TDO2: variants seen among roughly 807,000 people sequenced by gnomAD.
TDO2 encodes the protein tryptophan 2,3-dioxygenase.
In TDO2, 63 loss-of-function variants were observed where a neutral mutation model predicts 61.2. The observed-to-expected ratio is 1.03, with a 90% CI of 0.84 to 1.27. The LOEUF (loss-of-function observed/expected upper bound fraction) is 1.27. TDO2 is among the 50% of genes most tolerant of loss of function. The probability of loss-of-function intolerance (pLI) is 0.00; values close to 1 mark genes in which losing one functional copy is unlikely to be tolerated. For missense variants in TDO2, 494 were observed against 469.5 expected, an observed-to-expected ratio of 1.05 and a Z score of -0.48; for synonymous variants, 183 against 164.0, an observed-to-expected ratio of 1.12 and a Z score of -0.89.
At chr4:155,914,747 G>C (rs1742901117) in intron 8 of TDO2, among the ~76,000 whole-genome samples, 2 of 152,098 alleles carry the variant, frequency 1.3e-5, no homozygotes, top group African/African-American at 4.8e-5. Context: ...ACAAATCATT[G>C]TAACAGTAAA....
chr4:155,908,058 A>G (rs1395797844), intron 4 of TDO2, among the ~76,000 whole-genome samples: 1 of 152,206 alleles, frequency 6.6e-6, no homozygotes, highest in Non-Finnish European at 1.5e-5. Context: ...GTTATAAATG[A>G]TGGTGGATTA....
At position 155,904,141 on chromosome 4, in the gene TDO2, T is replaced by C. The variant is rs1299722484; in HGVS notation, c.141+18T>C. On this transcript the variant is annotated intron_variant, in intron 2 of 11. Transcript: ENST00000536354. ...ACCTGCATGTAAGTGGCAGGGTCCT[T>C]ACAGGGTTTGGTGTCCATTGTTAGG... 2 of 1,588,950 alleles carry C rather than the reference T, an allele frequency of 1.3e-6. No individual in the cohort carries two copies. The highest frequency in any genetic ancestry group is 2.7e-5 in the African/African-American group (2 of 74,338).
At chr4:155,912,768 C>T (rs1422280849) in intron 7 of TDO2, among the ~76,000 whole-genome samples, 2 of 152,088 alleles carry the variant, frequency 1.3e-5, no homozygotes, top group Admixed American at 6.6e-5. Flanking sequence ...TATATATCCC[C>T]TTAGATTTCA....
chr4:155,914,249 C>T, intron 7 of TDO2, 74 bp from the exon 8 acceptor site: 2 of 1,103,106 alleles, frequency 1.8e-6, no homozygotes, highest in South Asian at 1.5e-5. Context: ...GTCTTTTCCT[C>T]ATAAGCAAAG....
chr4:155,903,942 T>C, intron 1 of TDO2, 76 bp from the exon 2 acceptor site: 10 of 1,503,808 alleles, frequency 6.6e-6, no homozygotes, highest in Non-Finnish European at 8.3e-6. Context: ...GCAATGAGAA[T>C]TTTAATCACC....
At chr4:155,910,455 C>A (rs993931914) in intron 6 of TDO2, among the ~76,000 whole-genome samples, 13 of 152,064 alleles carry the variant, frequency 8.5e-5, no homozygotes, top group Admixed American at 1.3e-4. Flanking sequence ...TATTTAATAA[C>A]CTTATCATCT....
chr4:155,910,201 A>T lies in TDO2; in HGVS notation c.608A>T (p.Glu203Val). The T allele has an allele frequency of 6.3e-7, 1 of 1,576,024 alleles. No individual in the cohort carries two copies. The highest frequency in any genetic ancestry group is 8.6e-7 in the Non-Finnish European group (1 of 1,165,992). The part of the protein sequence containing the change: ...LKSEQEKTLL[E>V]LVEAWLERTP... ...TCTGAGCAGGAAAAGACACTTCTGG[A>T]ATTAGTGGAGGTATGGATTCATACA... The change falls in exon 6 of 12, where the codon GAA becomes GTA. Residue 203 changes from glutamate (E) to valine (V), a missense_variant. Glu to Val is a moderately radical substitution (Grantham distance 121). Transcript: ENST00000536354.
At chr4:155,910,758 A>G (rs71605278) in intron 6 of TDO2, among the ~76,000 whole-genome samples, 4,177 of 152,154 alleles carry the variant, frequency 0.027, 81 homozygotes, top group Middle Eastern at 0.041. Flanking sequence ...TTCCATTACA[A>G]AGCCTTTTCT....
In TDO2 at chr4:155,920,051, A is replaced by T; in HGVS notation, c.*61A>T. 1.3e-6 allele frequency: 2 copies of T among 1,500,728 alleles called. No individual in the cohort carries two copies. Among genetic ancestry groups the T allele is most frequent in the Non-Finnish European group, 1.8e-6 (2 of 1,086,324 alleles). 93.0% of individuals were successfully genotyped at this position (1,500,728 alleles called of 1,614,324 possible). ...ACAGCCTATTTTTTATTTTCTATGGATTTTCATAAATACAGTTTGAATATA... is the reference window on the plus strand; with the variant it reads ...ACAGCCTATTTTTTATTTTCTATGGTTTTTCATAAATACAGTTTGAATATA... On this transcript the variant is annotated 3_prime_UTR_variant, in exon 12 of 12. Transcript: ENST00000536354.
chr4:155,911,657 T>G (rs921417864), intron 7 of TDO2, 53 bp downstream of exon 7: 3 of 1,211,060 alleles, frequency 2.5e-6, no homozygotes, highest in Admixed American at 2.9e-5. Context: ...ATTCAAAATT[T>G]TATTTTAATT....
At position 155,905,167 on chromosome 4, in the gene TDO2, A is replaced by G. The variant is rs1742696856; in HGVS notation, c.232+10A>G. 6 of 1,567,264 alleles carry G rather than the reference A, an allele frequency of 3.8e-6. No individual in the cohort carries two copies. Among genetic ancestry groups the G allele is most frequent in the Non-Finnish European group, 5.2e-6 (6 of 1,157,024 alleles). On this transcript the variant is annotated intron_variant, in intron 3 of 11. Transcript: ENST00000536354. ...ATCATAACTCATCAAGGTAAGTTGC[A>G]CAAAGGTTTTGGACAATATTCCACA... is the stretch of plus-strand genomic sequence containing the variant.
chr4:155,917,287 C>G (rs1742957894), intron 9 of TDO2, 108 bp from the exon 10 acceptor site: 2 of 845,970 alleles, frequency 2.4e-6, no homozygotes, highest in Middle Eastern at 2.3e-4. Context: ...TCCTCACAGG[C>G]AAAGCTGACA....
chr4:155,913,209 A>T (rs2878125), intron 7 of TDO2, among the ~76,000 whole-genome samples: 1 of 151,916 alleles, frequency 6.6e-6, no homozygotes, highest in African/African-American at 2.4e-5. Flanking sequence ...ATCTGATCAC[A>T]TCTCCCTTTT....
At chr4:155,905,207 A>G in intron 3 of TDO2, 50 bp downstream of exon 3, 1 of 1,314,646 alleles carries the variant, frequency 7.6e-7, no homozygotes, top group Non-Finnish European at 1.1e-6. Context: ...TTTCTCATTG[A>G]TAACGAGGAA....
intron 7 of TDO2, among the ~76,000 whole-genome samples, chr4:155,912,323 G>A (rs1742849222): frequency 6.6e-6 from 1 of 152,096 alleles, no homozygotes; most frequent in African/African-American, 2.4e-5. Context: ...ATAAATACTT[G>A]TAAAGCATTG....
chr4:155,914,662 A>G (rs1297590813), intron 8 of TDO2, among the ~76,000 whole-genome samples: 1 of 152,184 alleles, frequency 6.6e-6, no homozygotes, highest in African/African-American at 2.4e-5. Context: ...AGTCTCTGCC[A>G]GATATACGGG....
chr4:155,913,287 C>T (rs1020583242), intron 7 of TDO2, among the ~76,000 whole-genome samples: 7 of 152,034 alleles, frequency 4.6e-5, no homozygotes, highest in Non-Finnish European at 8.8e-5. Flanking sequence ...GTCTATAAGG[C>T]CTTTATGATC....
chr4:155,909,461 A>T (rs1043634021), intron 5 of TDO2, among the ~76,000 whole-genome samples: 12 of 152,278 alleles, frequency 7.9e-5, no homozygotes, highest in African/African-American at 2.9e-4. Flanking sequence ...CTTTTTTCTT[A>T]CCAAAATGTG....
Position 155,920,227 on chromosome 4 carries a change from T to C in TDO2, c.*237T>C. 1 of 470,146 alleles carries C rather than the reference T, an allele frequency of 2.1e-6. No individual in the cohort carries two copies. Among genetic ancestry groups the C allele is most frequent in the Non-Finnish European group, 3.7e-6 (1 of 267,622 alleles). The allele number at this position is 470,146 out of a possible 1,614,324, so 29.1% of individuals were successfully genotyped here. ...ACATAGGGTGTTTTCCTATTAAAAA[T>C]TCAGTTTCCCCTGAGACTTAATGTA... is the stretch of plus-strand genomic sequence containing the variant. On this transcript the variant is annotated 3_prime_UTR_variant, in exon 12 of 12. Transcript: ENST00000536354.
Sources: allele counts gnomAD v4.1 joint callset (sites outside exome capture counted in the v4.1 genomes callset), GRCh38; gene constraint gnomAD v4.1.1; transcripts MANE v1.5; gene names NCBI Gene and HGNC (gene_info 2026-07-23, HGNC 2026-07-21).